SLC25A12: variants seen among roughly 807,000 people sequenced by gnomAD.
The protein encoded by SLC25A12 is electrogenic aspartate/glutamate antiporter SLC25A12, mitochondrial.
Under a neutral mutation model 83.3 loss-of-function variants are expected in SLC25A12, and 32 were observed. The observed-to-expected ratio is 0.38, with a 90% CI of 0.29 to 0.52. The LOEUF (loss-of-function observed/expected upper bound fraction) is 0.52. Ranked by LOEUF, SLC25A12 falls within the 20% of genes least tolerant of loss-of-function variation. The probability of loss-of-function intolerance (pLI) is 0.84; values close to 1 mark genes in which losing one functional copy is unlikely to be tolerated. For missense variants in SLC25A12, 611 were observed against 835.6 expected (o/e 0.73, Z 3.31); for synonymous variants, 267 against 291.1 (o/e 0.92, Z 0.84).
intron 2 of SLC25A12, among the ~76,000 whole-genome samples, chr2:171,878,485 A>G (rs1685617623): frequency 6.6e-6 from 1 of 152,164 alleles, no homozygotes; most frequent in Admixed American, 6.5e-5. Flanking sequence ...AAACATGAAG[A>G]AATTATTGTT....
intron 3 of SLC25A12, among the ~76,000 whole-genome samples, chr2:171,861,087 G>A (rs1220897665): frequency 2.0e-5 from 3 of 151,352 alleles, no homozygotes; most frequent in Admixed American, 6.6e-5. Flanking sequence ...GTGGGACCCT[G>A]TCTCAAAAAT....
chr2:171,855,301 A>T (rs1685023924), intron 4 of SLC25A12, among the ~76,000 whole-genome samples: 1 of 152,222 alleles, frequency 6.6e-6, no homozygotes, highest in African/African-American at 2.4e-5. Flanking sequence ...AAATTTCTAC[A>T]TTCATGTCAG....
At chr2:171,875,110 T>C (rs746214605) in intron 2 of SLC25A12, among the ~76,000 whole-genome samples, 5 of 152,176 alleles carry the variant, frequency 3.3e-5, no homozygotes, top group African/African-American at 7.2e-5. Flanking sequence ...TGTACGGGAG[T>C]GTGACCTTTA....
chr2:171,882,492 C>T (rs1317775700), intron 2 of SLC25A12, among the ~76,000 whole-genome samples: 1 of 152,204 alleles, frequency 6.6e-6, no homozygotes, highest in Non-Finnish European at 1.5e-5. Context: ...CATGGCAAAG[C>T]CTGTTTGAGA....
chr2:171,819,220 ATAT>A (rs1477830010), intron 9 of SLC25A12, among the ~76,000 whole-genome samples: 4 of 133,122 alleles, frequency 3.0e-5, no homozygotes, highest in African/African-American at 5.6e-5. Context: ...TATATAATAC[ATAT>A]TATATATGTA....
chr2:171,820,940 T>C (rs1197908698), intron 9 of SLC25A12, among the ~76,000 whole-genome samples: 5 of 150,286 alleles, frequency 3.3e-5, no homozygotes, highest in Non-Finnish European at 5.9e-5. Context: ...TAGCACAACA[T>C]ATTTATCCGT....
chr2:171,844,309 C>T (rs1684746693), intron 5 of SLC25A12, 60 bp downstream of exon 5: 2 of 1,545,734 alleles, frequency 1.3e-6, no homozygotes, highest in Non-Finnish European at 1.8e-6. Flanking sequence ...TTAATAAATA[C>T]AAAGCGAAGG....
chr2:171,806,926 T>C lies in SLC25A12; in HGVS notation c.1305+2680A>G, dbSNP rs545664191. Among the ~76,000 whole-genome samples the C allele has an allele frequency of 2.6e-5, 4 of 152,302 alleles. No homozygotes were observed. The South Asian group carries it at 8.3e-4, about 32-fold the overall frequency. ...AGACAGCCACTCTTCACAGTGTTAA[T>C]CTGGTGGCTGTTTGCCAGGTATCAT... On this transcript the variant is annotated intron_variant, in intron 13 of 17. Coordinates refer to ENST00000422440, the MANE Select transcript of SLC25A12 (RefSeq NM_003705.5).
intron 9 of SLC25A12, among the ~76,000 whole-genome samples, chr2:171,817,766 A>G (rs1016897792): frequency 6.6e-6 from 1 of 152,142 alleles, no homozygotes; most frequent in Non-Finnish European, 1.5e-5. Context: ...TCACAGAATA[A>G]AAAGCCTATG....
chr2:171,833,855 C>A, intron 8 of SLC25A12, 108 bp downstream of exon 8: 1 of 720,616 alleles, frequency 1.4e-6, no homozygotes, highest in Non-Finnish European at 2.5e-6. Flanking sequence ...ATAAACTATT[C>A]AAATACATGG....
chr2:171,815,284 C>G (rs1684028990), intron 9 of SLC25A12, 82 bp from the exon 10 acceptor site: 1 of 936,804 alleles, frequency 1.1e-6, no homozygotes, highest in Non-Finnish European at 1.7e-6. Context: ...TATTTTAAGA[C>G]AAGAAAAAAC....
At chr2:171,800,900 C>T (rs1350331669) in intron 13 of SLC25A12, among the ~76,000 whole-genome samples, 1 of 152,130 alleles carries the variant, frequency 6.6e-6, no homozygotes, top group Non-Finnish European at 1.5e-5. Context: ...CCAAGAACAA[C>T]AAAACTTCAG....
chr2:171,862,103 G>C (rs529968051), intron 3 of SLC25A12, among the ~76,000 whole-genome samples: 5 of 152,158 alleles, frequency 3.3e-5, no homozygotes, highest in South Asian at 4.2e-4. Context: ...CTGCATAAAA[G>C]GTTCCTCTAT....
At chr2:171,881,142 C>CTT (rs201576623) in intron 2 of SLC25A12, among the ~76,000 whole-genome samples, 4 of 151,844 alleles carry the variant, frequency 2.6e-5, no homozygotes, top group Admixed American at 1.3e-4. Context: ...CCCATATTTT[C>CTT]TTTTTTTGTT....
At chr2:171,847,649 G>A (rs535978734) in intron 4 of SLC25A12, among the ~76,000 whole-genome samples, 1 of 152,294 alleles carries the variant, frequency 6.6e-6, no homozygotes, top group East Asian at 1.9e-4. Flanking sequence ...AAAGGGAAAT[G>A]ACAGTCACAT....
intron 17 of SLC25A12, among the ~76,000 whole-genome samples, chr2:171,786,220 TAA>T (rs1202640641): frequency 7.1e-6 from 1 of 141,452 alleles, no homozygotes; most frequent in Non-Finnish European, 1.5e-5. Flanking sequence ...CTAAAAATAT[TAA>T]AAAAAAAAAA....
At chr2:171,836,842 T>C (rs779711596) in intron 6 of SLC25A12, among the ~76,000 whole-genome samples, 8 of 151,954 alleles carry the variant, frequency 5.3e-5, no homozygotes, top group Non-Finnish European at 8.8e-5. Context: ...AATTTGGAAA[T>C]AGATGACAGC....
intron 13 of SLC25A12, among the ~76,000 whole-genome samples, chr2:171,794,816 C>A (rs1325844331): frequency 6.6e-6 from 1 of 152,042 alleles, no homozygotes; most frequent in Non-Finnish European, 1.5e-5. Context: ...TCATTATAAT[C>A]ATTGTATATA....
intron 9 of SLC25A12, among the ~76,000 whole-genome samples, chr2:171,816,485 T>C: frequency 6.6e-6 from 1 of 152,198 alleles, no homozygotes; most frequent in East Asian, 1.9e-4. Flanking sequence ...CTTTAAATCA[T>C]CTCTACATTA....
Sources: allele counts gnomAD v4.1 joint callset (sites outside exome capture counted in the v4.1 genomes callset), GRCh38; gene constraint gnomAD v4.1.1; transcripts MANE v1.5; gene names NCBI Gene and HGNC (gene_info 2026-07-23, HGNC 2026-07-21).